IRAG1: variants seen among roughly 807,000 people sequenced by gnomAD.
IRAG1 encodes inositol 1,4,5-triphosphate receptor associated 1.
IRAG1 carries 62 observed loss-of-function variants against 106.2 expected under a neutral mutation model. The observed-to-expected ratio is 0.58, with a 90% CI of 0.48 to 0.72. The LOEUF (loss-of-function observed/expected upper bound fraction) is 0.72. Among genes scored for constraint, IRAG1 ranks in the 30% least tolerant of loss-of-function variants. IRAG1 has a pLI of 0.00. For missense variants in IRAG1, 1,064 were observed against 1,140.7 expected (o/e 0.93, Z 0.97); for synonymous variants, 462 against 443.9 (o/e 1.04, Z -0.51).
At chr11:10,640,754 A>G (rs1857452620) in intron 2 of IRAG1, among the ~76,000 whole-genome samples, 1 of 152,210 alleles carries the variant, frequency 6.6e-6, no homozygotes, top group Non-Finnish European at 1.5e-5. Flanking sequence ...AGCGTTGGCC[A>G]GACAACCTAC....
chr11:10,594,033 G>A, intron 16 of IRAG1, 113 bp downstream of exon 16: 7 of 1,024,712 alleles, frequency 6.8e-6, no homozygotes, highest in Non-Finnish European at 1.0e-5. Flanking sequence ...TAGAAACTCT[G>A]TTCAGAGATT....
chr11:10,651,924 G>A (rs1441350981), intron 2 of IRAG1, 101 bp downstream of exon 2: 4 of 1,378,682 alleles, frequency 2.9e-6, no homozygotes, highest in Non-Finnish European at 3.8e-6. Flanking sequence ...TACATGAGCT[G>A]TCAGCAAACC....
chr11:10,600,760 G>A (rs949060726), intron 15 of IRAG1, among the ~76,000 whole-genome samples, 158 bp downstream of exon 15: 1 of 152,242 alleles, frequency 6.6e-6, no homozygotes, highest in African/African-American at 2.4e-5. Flanking sequence ...CAGGCCCACT[G>A]AAGCAGCTGC....
intron 1 of IRAG1, among the ~76,000 whole-genome samples, chr11:10,673,405 A>C (rs1564938776): frequency 6.6e-6 from 1 of 152,158 alleles, no homozygotes; most frequent in Non-Finnish European, 1.5e-5. Flanking sequence ...GTCACAAAAA[A>C]CCATACGTAT....
rs771637565 is a variant in IRAG1 at position 10,628,243 on chromosome 11, T to C, written c.653-218A>G. The C allele has an allele frequency of 7.4e-6, 5 of 675,544 alleles. No individual in the cohort carries two copies. The highest frequency in any genetic ancestry group is 5.4e-5 in the East Asian group (2 of 36,812). 41.8% of individuals were successfully genotyped at this position (675,544 alleles called of 1,614,324 possible). ...GAGGCACAGGGAAATCAAAGTCTCATGGCCAGGAAATGTCAGCACTGAGAT... is the reference window on the plus strand; with the variant it reads ...GAGGCACAGGGAAATCAAAGTCTCACGGCCAGGAAATGTCAGCACTGAGAT... On this transcript the variant is annotated intron_variant, in intron 6 of 20. Transcript: ENST00000423302. The surrounding 1 kb of genome is among the most constrained non-coding windows in gnomAD (Gnocchi z 4.1).
intron 10 of IRAG1, among the ~76,000 whole-genome samples, chr11:10,618,667 AAG>A (rs1441444861): frequency 5.9e-5 from 9 of 152,280 alleles, no homozygotes; most frequent in African/African-American, 2.2e-4. Flanking sequence ...TCATTAGGCA[AAG>A]AGGGAGAGAG....
At chr11:10,669,460 C>T (rs547315853) in intron 1 of IRAG1, among the ~76,000 whole-genome samples, 3 of 152,224 alleles carry the variant, frequency 2.0e-5, no homozygotes, top group Non-Finnish European at 4.4e-5. Context: ...CTCTTCCATG[C>T]TGCAGTAGCA....
chr11:10,578,662 T>C (rs1851075812), intron 20 of IRAG1, among the ~76,000 whole-genome samples: 2 of 152,178 alleles, frequency 1.3e-5, no homozygotes, highest in Non-Finnish European at 2.9e-5. Flanking sequence ...GCATGATAAA[T>C]GTTACAGGCA....
At chr11:10,600,830 G>C (rs1853915258) in intron 15 of IRAG1, 88 bp downstream of exon 15, 45 of 1,537,900 alleles carry the variant, frequency 2.9e-5, no homozygotes, top group Non-Finnish European at 4.0e-5. Context: ...ATAAGTCCTG[G>C]GGCTGTTCTG....
intron 18 of IRAG1, among the ~76,000 whole-genome samples, chr11:10,582,514 CAAAT>C (rs1358833545): frequency 6.6e-6 from 1 of 152,158 alleles, no homozygotes; most frequent in African/African-American, 2.4e-5. Flanking sequence ...TGATTAATTA[CAAAT>C]AATAACTTTT....
intron 19 of IRAG1, among the ~76,000 whole-genome samples, chr11:10,580,822 C>G (rs992365829): frequency 3.9e-5 from 6 of 152,214 alleles, no homozygotes; most frequent in African/African-American, 1.4e-4. Context: ...TGTGACAAAA[C>G]TGACAGGGAA....
intron 1 of IRAG1, among the ~76,000 whole-genome samples, chr11:10,691,821 A>AC (rs1230256818): frequency 6.6e-6 from 1 of 152,040 alleles, no homozygotes; most frequent in Non-Finnish European, 1.5e-5. Context: ...ACGGGAGCTG[A>AC]CCATGGAGGT....
rs560551634 is a variant in IRAG1 at position 10,626,840 on chromosome 11, T to C, written c.751-257A>G. On this transcript the variant is annotated intron_variant, in intron 8 of 20. Transcript: ENST00000423302. ...GGGATAGGAGCTGAGGAAAACTGAA[T>C]AGAAGGCAGCTTTGGCCCTAACTCA... Among the ~76,000 whole-genome samples, 358 of 152,326 alleles carry C rather than the reference T, an allele frequency of 2.4e-3. 1 individual carries two copies. The highest frequency in any genetic ancestry group is 2.9e-3 in the Non-Finnish European group (199 of 68,026).
intron 17 of IRAG1, among the ~76,000 whole-genome samples, chr11:10,592,517 C>CA (rs1390298207): frequency 2.0e-5 from 3 of 152,120 alleles, no homozygotes; most frequent in Non-Finnish European, 4.4e-5. Flanking sequence ...ATTGGTATTA[C>CA]ATAGAGCTTG....
chr11:10,605,452 T>C (rs1463762699), intron 12 of IRAG1, among the ~76,000 whole-genome samples: 1 of 151,384 alleles, frequency 6.6e-6, no homozygotes, highest in East Asian at 1.9e-4. Context: ...CTACTCCTTA[T>C]TGAGCATCTA....
Position 10,608,146 on chromosome 11 carries a change from C to T in IRAG1, c.1572-1374G>A, listed in dbSNP as rs543027280. On this transcript the variant is annotated intron_variant, in intron 11 of 20. Coordinates refer to ENST00000423302, the MANE Select transcript of IRAG1 (RefSeq NM_130385.4). ...TTATTTATTTTTGGGGACAGGGTCT[C>T]GCTCTGCTGCCCAGGCTGGAGTGCA... Among the ~76,000 whole-genome samples, 5 of 152,204 alleles carry T rather than the reference C, an allele frequency of 3.3e-5. No homozygotes were observed. In the East Asian group the frequency reaches 5.8e-4, roughly 18 times the overall value.
In IRAG1 at chr11:10,576,256, G is replaced by T; in HGVS notation, c.*76C>A. 1 of 1,586,394 alleles carries T rather than the reference G, an allele frequency of 6.3e-7. No homozygotes were observed. Reference sequence around the variant, plus strand: ...ATGGGCGGCAGTGTGTCCACACTTGGGCCTGACGTTATACTTGGGGAAAGG... The same window carrying T: ...ATGGGCGGCAGTGTGTCCACACTTGTGCCTGACGTTATACTTGGGGAAAGG... On this transcript the variant is annotated 3_prime_UTR_variant, in exon 21 of 21. Transcript: ENST00000423302.
chr11:10,597,860 G>T (rs1037289659), intron 15 of IRAG1, among the ~76,000 whole-genome samples: 22 of 152,182 alleles, frequency 1.4e-4, no homozygotes, highest in Admixed American at 1.4e-3. Flanking sequence ...CAGATGCAGG[G>T]TCTGTCTCTC....
chr11:10,609,706 G>A, intron 11 of IRAG1, 22 bp downstream of exon 11: 7 of 1,605,936 alleles, frequency 4.4e-6, no homozygotes, highest in Non-Finnish European at 5.9e-6. Context: ...AGGGCCTTCT[G>A]TAACCCACAT....
Sources: allele counts gnomAD v4.1 joint callset (sites outside exome capture counted in the v4.1 genomes callset), GRCh38; gene constraint gnomAD v4.1.1; non-coding constraint Gnocchi (gnomAD v3.1); transcripts MANE v1.5; gene names NCBI Gene and HGNC (gene_info 2026-07-23, HGNC 2026-07-21).